AGPAT5: variants seen among roughly 807,000 people sequenced by gnomAD.
AGPAT5 encodes 1-acyl-sn-glycerol-3-phosphate acyltransferase epsilon.
AGPAT5 carries 46 observed loss-of-function variants against 45.6 expected under a neutral mutation model. The observed-to-expected ratio is 1.01, with a 90% CI of 0.80 to 1.29. The LOEUF is 1.29. Among genes scored for constraint, AGPAT5 ranks in the 50% most tolerant of loss-of-function variants. AGPAT5 has a pLI of 0.00. For missense variants in AGPAT5, 673 were observed against 450.7 expected, an observed-to-expected ratio of 1.49 and a Z score of -4.47; for synonymous variants, 272 against 167.0, an observed-to-expected ratio of 1.63 and a Z score of -4.85.
chr8:6,721,929 GC>G (rs1563285995), intron 1 of AGPAT5, among the ~76,000 whole-genome samples: 1 of 152,050 alleles, frequency 6.6e-6, no homozygotes, highest in Non-Finnish European at 1.5e-5. Flanking sequence ...CTGAAGCCAA[GC>G]GATTCTTCTG....
At chr8:6,754,193 G>C (rs1034251528) in intron 6 of AGPAT5, among the ~76,000 whole-genome samples, 1 of 152,136 alleles carries the variant, frequency 6.6e-6, no homozygotes, top group Admixed American at 6.5e-5. Context: ...GGAGTTTCTA[G>C]TCTCCGTTCT....
chr8:6,715,753 G>A (rs531344151), intron 1 of AGPAT5, among the ~76,000 whole-genome samples: 13 of 152,312 alleles, frequency 8.5e-5, no homozygotes, highest in African/African-American at 3.1e-4. Context: ...AATTAGAGAC[G>A]TGTTTATTAA....
chr8:6,720,778 G>T (rs1800472495), intron 1 of AGPAT5, among the ~76,000 whole-genome samples: 1 of 152,106 alleles, frequency 6.6e-6, no homozygotes, highest in Non-Finnish European at 1.5e-5. Flanking sequence ...GGCTAGCAAG[G>T]AAAAACCCCT....
In AGPAT5 at chr8:6,730,094, A is replaced by T. The variant is rs532201730; in HGVS notation, c.290-617A>T. On this transcript the variant is annotated intron_variant, in intron 2 of 7. Transcript: ENST00000285518. ...TTTTGTTTATAATTTCCCCTTTCTC[A>T]TTAAAAAAACTTTGTTTTCTAGACT... Among the ~76,000 whole-genome samples the T allele has an allele frequency of 1.8e-4, 27 of 151,958 alleles. 1 individual carries two copies. The South Asian group carries it at 4.8e-3, about 27-fold the overall frequency.
At chr8:6,748,943 T>C (rs1801565874) in intron 6 of AGPAT5, among the ~76,000 whole-genome samples, 1 of 152,204 alleles carries the variant, frequency 6.6e-6, no homozygotes, top group South Asian at 2.1e-4. Context: ...CTTGGAAATT[T>C]TATAGAGTAA....
At chr8:6,720,289 G>T (rs575386679) in intron 1 of AGPAT5, among the ~76,000 whole-genome samples, 1 of 152,252 alleles carries the variant, frequency 6.6e-6, no homozygotes, top group African/African-American at 2.4e-5. Context: ...AATTTCTGGT[G>T]CCAGATTACC....
Position 6,747,697 on chromosome 8 carries a change from C to T in AGPAT5, c.614C>T (p.Thr205Ile), listed in dbSNP as rs1801521809. Residue 205 changes from threonine to isoleucine, a missense_variant, in exon 6 of 8, where the codon ACA (threonine) becomes ATA (isoleucine). Thr to Ile is a moderately conservative substitution (Grantham distance 89, BLOSUM62 -1). Coordinates refer to ENST00000285518, the MANE Select transcript of AGPAT5 (RefSeq NM_018361.5). ...CTTGCAGTATTAAAACATGTGCTAA[C>T]ACCACGAATAAAGGCAACTCACGTT... Reference protein sequence around the residue: ...RGLAVLKHVLTPRIKATHVAF... With the variant: ...RGLAVLKHVLIPRIKATHVAF... The T allele has an allele frequency of 6.2e-7, 1 of 1,614,066 alleles. No individual in the cohort carries two copies. Among genetic ancestry groups the T allele is most frequent in the Non-Finnish European group, 8.5e-7 (1 of 1,179,970 alleles).
At chr8:6,718,284 G>C (rs35733372) in intron 1 of AGPAT5, among the ~76,000 whole-genome samples, 3,687 of 152,310 alleles carry the variant, frequency 0.024, 70 homozygotes, top group Non-Finnish European at 0.036. Context: ...TGACGTGGTT[G>C]CTGTGGGTGG....
intron 4 of AGPAT5, among the ~76,000 whole-genome samples, chr8:6,737,520 G>C (rs536439245): frequency 9.9e-5 from 15 of 152,156 alleles, no homozygotes; most frequent in Non-Finnish European, 2.2e-4. Context: ...GGACAATACA[G>C]TATTTTCTTA....
At chr8:6,753,810 T>C (rs1183189281) in intron 6 of AGPAT5, among the ~76,000 whole-genome samples, 2 of 152,256 alleles carry the variant, frequency 1.3e-5, no homozygotes, top group Non-Finnish European at 1.5e-5. Context: ...ACATGTATTA[T>C]TAAAGCCAGT....
chr8:6,757,062 C>T, intron 7 of AGPAT5, 101 bp from the exon 8 acceptor site: 2 of 799,346 alleles, frequency 2.5e-6, no homozygotes, highest in Non-Finnish European at 4.0e-6. Flanking sequence ...TTTCCAGGGA[C>T]CTGCATAACT....
At chr8:6,756,394 A>G (rs1428363582) in intron 7 of AGPAT5, among the ~76,000 whole-genome samples, 1 of 152,128 alleles carries the variant, frequency 6.6e-6, no homozygotes, top group African/African-American at 2.4e-5. Flanking sequence ...TGGGAGGCTA[A>G]GGCAGGCAAA....
intron 7 of AGPAT5, among the ~76,000 whole-genome samples, chr8:6,756,160 C>G (rs374894661): frequency 6.6e-6 from 1 of 152,104 alleles, no homozygotes; most frequent in Non-Finnish European, 1.5e-5. Flanking sequence ...CATAACTTTA[C>G]AAATCTTATG....
intron 1 of AGPAT5, among the ~76,000 whole-genome samples, chr8:6,719,503 G>T (rs965017932): frequency 1.4e-4 from 21 of 152,118 alleles, no homozygotes; most frequent in Non-Finnish European, 2.9e-5. Context: ...ATACAAGAGG[G>T]AACCTGATTA....
rs770545239 is a variant in AGPAT5 at position 6,755,180 on chromosome 8, TAAC to T, written c.869+11_869+13del. ...CGTTTCGAAATCAAAGATAAGTGAG[TAAC>T]AACAGTTCCAGCACTTCCGGAACTT... On this transcript the variant is annotated splice_region_variant and intron_variant, in intron 7 of 7. Transcript: ENST00000285518. 6.3e-7 allele frequency: 1 copy of T among 1,594,538 alleles called. No individual in the cohort carries two copies. Among genetic ancestry groups the T allele is most frequent in the African/African-American group, 1.4e-5 (1 of 73,784 alleles).
rs1472651681 is a variant in AGPAT5, at chr8:6,758,065, A to C, written c.*677A>C. The C allele has an allele frequency of 6.6e-6, 1 of 152,246 alleles. No individual in the cohort carries two copies. The highest frequency in any genetic ancestry group is 1.5e-5 in the Non-Finnish European group (1 of 68,048). The allele number at this position is 152,246 out of a possible 1,614,324, so 9.4% of individuals were successfully genotyped here. A position where few individuals can be genotyped will look rare whatever the true frequency, so the allele number is the denominator to read the frequency against. On this transcript the variant is annotated 3_prime_UTR_variant, in exon 8 of 8. Coordinates refer to ENST00000285518, the MANE Select transcript of AGPAT5 (RefSeq NM_018361.5). ...CACAGAAAATGGTATAAAATATGAG[A>C]ACGAAGTTTAAAATTGTGACTCTGA...
At chr8:6,740,799 G>A (rs1801222926) in intron 4 of AGPAT5, among the ~76,000 whole-genome samples, 1 of 151,980 alleles carries the variant, frequency 6.6e-6, no homozygotes, top group African/African-American at 2.4e-5. Flanking sequence ...TCTGAGATCT[G>A]GCAAGAATGA....
chr8:6,714,270 G>C (rs1013735911), intron 1 of AGPAT5, among the ~76,000 whole-genome samples: 1 of 152,170 alleles, frequency 6.6e-6, no homozygotes, highest in African/African-American at 2.4e-5. Context: ...GAGAGTGACA[G>C]GACTGTGTAG....
At chr8:6,712,320 T>C (rs1800181374) in intron 1 of AGPAT5, among the ~76,000 whole-genome samples, 1 of 152,214 alleles carries the variant, frequency 6.6e-6, no homozygotes, top group Non-Finnish European at 1.5e-5. Flanking sequence ...AACTTATTCA[T>C]ATTTCGGTAT....
Sources: allele counts gnomAD v4.1 joint callset (sites outside exome capture counted in the v4.1 genomes callset), GRCh38; gene constraint gnomAD v4.1.1; transcripts MANE v1.5; gene names NCBI Gene and HGNC (gene_info 2026-07-23, HGNC 2026-07-21).